The following AHI1 variants were observed in gnomAD, a reference collection of about 807,000 sequenced individuals.
AHI1 encodes the protein Abelson helper integration site 1.
AHI1 carries 123 observed loss-of-function variants against 149.3 expected under a neutral mutation model. That is an observed-to-expected ratio of 0.82 (90% CI 0.71 to 0.96). The LOEUF is 0.96. Among genes scored for constraint, AHI1 ranks in the 40% least tolerant of loss-of-function variants. The pLI is 0.00. For missense variants in AHI1, 1,439 were observed against 1,422.7 expected, an observed-to-expected ratio of 1.01 and a Z score of -0.18; for synonymous variants, 475 against 459.8, an observed-to-expected ratio of 1.03 and a Z score of -0.42.
intron 12 of AHI1, 50 bp downstream of exon 12, chr6:135,448,240 T>C (rs1179564856): frequency 7.0e-6 from 9 of 1,283,156 alleles, no homozygotes; most frequent in South Asian, 2.4e-5. Flanking sequence ...TATGTCACCA[T>C]TTAATTTCAA....
chr6:135,494,252 T>G (rs1452978664), intron 3 of AHI1, among the ~76,000 whole-genome samples: 1 of 152,212 alleles, frequency 6.6e-6, no homozygotes, highest in African/African-American at 2.4e-5. Flanking sequence ...CAGTGCCGAC[T>G]CAAAGGGTTG....
At chr6:135,372,166 GGTATCA>G (rs971064887) in intron 23 of AHI1, among the ~76,000 whole-genome samples, 1 of 152,120 alleles carries the variant, frequency 6.6e-6, no homozygotes, top group African/African-American at 2.4e-5. Context: ...CCAGCAGAGG[GGTATCA>G]GTTGGGCAGG....
intron 23 of AHI1, among the ~76,000 whole-genome samples, chr6:135,359,330 T>C (rs917477317): frequency 6.6e-6 from 1 of 152,210 alleles, no homozygotes; most frequent in Non-Finnish European, 1.5e-5. Context: ...GATGAATATA[T>C]TACAGTTTCT....
At position 135,472,018 on chromosome 6, in the gene AHI1, C is replaced by CAAAAAAAAAAAAAAAA. The variant is rs541390652; in HGVS notation, c.136-4400_136-4385dup. On this transcript the variant is annotated intron_variant, in intron 5 of 28. Coordinates refer to ENST00000265602, the MANE Select transcript of AHI1 (RefSeq NM_001134831.2). ...TGGGCGACAGAGCGAGACTCCGTCT[C>CAAAAAAAAAAAAAAAA]AAAAAAAAAAAAAAAAAAAAAAAAA... is the stretch of plus-strand genomic sequence containing the variant. Among the ~76,000 whole-genome samples the CAAAAAAAAAAAAAAAA allele has an allele frequency of 1.8e-3, 98 of 54,414 alleles. 1 individual carries two copies. The highest frequency in any genetic ancestry group is 1.9e-3 in the Non-Finnish European group (63 of 32,314). The allele number at this position is 54,414 out of a possible 152,430, so 35.7% of individuals were successfully genotyped here. A position where few individuals can be genotyped will look rare whatever the true frequency, so the allele number is the denominator to read the frequency against.
At chr6:135,424,726 A>AT (rs1783694876) in intron 20 of AHI1, among the ~76,000 whole-genome samples, 1 of 152,002 alleles carries the variant, frequency 6.6e-6, no homozygotes, top group Admixed American at 6.6e-5. Context: ...GATGGATGAT[A>AT]CATTTAGTTA....
At chr6:135,488,056 G>A (rs1166357274) in intron 5 of AHI1, among the ~76,000 whole-genome samples, 1 of 151,946 alleles carries the variant, frequency 6.6e-6, no homozygotes, top group Non-Finnish European at 1.5e-5. Context: ...ATTGTCTTTT[G>A]GATTTAGTGT....
intron 12 of AHI1, among the ~76,000 whole-genome samples, chr6:135,447,764 T>C (rs1346156199): frequency 1.3e-5 from 2 of 152,234 alleles, no homozygotes; most frequent in Non-Finnish European, 2.9e-5. Context: ...AAACATTACA[T>C]ACTGATTATT....
At position 135,293,976 on chromosome 6, in the gene AHI1, T is replaced by C. The variant is rs150075824; in HGVS notation, c.3486-3451A>G. On this transcript the variant is annotated intron_variant, in intron 27 of 28. Transcript: ENST00000265602. ...AATATTACCTGATTTCAAGACATAC[T>C]ACAAAACTACTCAGTAATTAAAATA... Among the ~76,000 whole-genome samples, 687 of 152,278 alleles carry C rather than the reference T, an allele frequency of 4.5e-3. 9 individuals are homozygous for C. Among genetic ancestry groups the C allele is most frequent in the African/African-American group, 0.016 (645 of 41,560 alleles).
In AHI1 at chr6:135,404,985, A is replaced by C; in HGVS notation, c.2962-8T>G. On this transcript the variant is annotated splice_region_variant and splice_polypyrimidine_tract_variant and intron_variant, in intron 21 of 28. Transcript: ENST00000265602. ...ACAGGAACGTATCACCTCCTAAAAG[A>C]AATACAATAAAATAAGGAAGTATTC... 1 of 1,597,208 alleles carries C rather than the reference A, an allele frequency of 6.3e-7. No homozygotes were observed. Among genetic ancestry groups the C allele is most frequent in the East Asian group, 2.2e-5 (1 of 44,666 alleles).
rs190458970 is a variant in AHI1 at position 135,455,104 on chromosome 6, C to A, written c.1344+630G>T. Among the ~76,000 whole-genome samples the A allele has an allele frequency of 1.7e-3, 263 of 151,724 alleles. 2 individuals carry two copies. The highest frequency in any genetic ancestry group is 5.9e-3 in the African/African-American group (244 of 41,012). On this transcript the variant is annotated intron_variant, in intron 10 of 28. Coordinates refer to ENST00000265602, the MANE Select transcript of AHI1 (RefSeq NM_001134831.2). ...ATGTGGTATTCTAGGTTCAAACTAT[C>A]TGCAAACGCATTTTTTTTAACTTAA...
intron 24 of AHI1, among the ~76,000 whole-genome samples, chr6:135,324,954 T>C (rs1024468311): frequency 2.6e-5 from 4 of 152,218 alleles, no homozygotes; most frequent in African/African-American, 9.7e-5. Context: ...ATGCAATGCC[T>C]ATTGTACAGC....
chr6:135,334,005 T>C (rs1340225639), intron 24 of AHI1, among the ~76,000 whole-genome samples: 2 of 152,228 alleles, frequency 1.3e-5, no homozygotes, highest in African/African-American at 2.4e-5. Flanking sequence ...CAATAATATA[T>C]AGGAAAAGCC....
At chr6:135,488,502 C>T (rs754495537) in intron 5 of AHI1, among the ~76,000 whole-genome samples, 2 of 152,088 alleles carry the variant, frequency 1.3e-5, no homozygotes, top group Non-Finnish European at 2.9e-5. Context: ...TCCCACTTAT[C>T]CTATTTTAGA....
chr6:135,330,796 T>C (rs1438202377), intron 24 of AHI1, among the ~76,000 whole-genome samples: 1 of 152,232 alleles, frequency 6.6e-6, no homozygotes, highest in Non-Finnish European at 1.5e-5. Flanking sequence ...TCAGCGTTTT[T>C]ATCCAATGTG....
At chr6:135,365,199 C>T (rs892457848) in intron 23 of AHI1, among the ~76,000 whole-genome samples, 8 of 152,130 alleles carry the variant, frequency 5.3e-5, no homozygotes, top group African/African-American at 1.4e-4. Context: ...TATGCTCTTT[C>T]GATGACTATA....
chr6:135,338,690 A>C (rs1185351576), intron 24 of AHI1, among the ~76,000 whole-genome samples: 1 of 152,362 alleles, frequency 6.6e-6, no homozygotes, highest in East Asian at 1.9e-4. Context: ...CAGTAAAAAC[A>C]GCAAGCTTTG....
In AHI1 at chr6:135,465,324, G is replaced by C. The variant is rs148848252; in HGVS notation, c.749+490C>G. On this transcript the variant is annotated intron_variant, in intron 7 of 28. Coordinates refer to ENST00000265602, the MANE Select transcript of AHI1 (RefSeq NM_001134831.2). The stretch of plus-strand genomic sequence containing the variant: ...TACATACATATATAAGCATCATATA[G>C]AGAAAAAGATTAGAATACCAAATTG... Among the ~76,000 whole-genome samples, 9 of 152,204 alleles carry C rather than the reference G, an allele frequency of 5.9e-5. No individual in the cohort carries two copies. In the East Asian group the frequency reaches 1.3e-3, roughly 23 times the overall value.
intron 5 of AHI1, among the ~76,000 whole-genome samples, chr6:135,476,840 T>C (rs752207797): frequency 3.9e-5 from 6 of 152,192 alleles, no homozygotes; most frequent in Non-Finnish European, 5.9e-5. Context: ...CTTTAAATAT[T>C]AACCTACCTA....
intron 23 of AHI1, among the ~76,000 whole-genome samples, chr6:135,392,509 T>C (rs902775092): frequency 1.5e-4 from 23 of 152,220 alleles, no homozygotes; most frequent in Non-Finnish European, 3.2e-4. Flanking sequence ...ACTAGCTCTG[T>C]GTAAATAGCT....
Sources: allele counts gnomAD v4.1 joint callset (sites outside exome capture counted in the v4.1 genomes callset), GRCh38; gene constraint gnomAD v4.1.1; transcripts MANE v1.5; gene names NCBI Gene and HGNC (gene_info 2026-07-23, HGNC 2026-07-21).